The following SPIDR variants were observed in gnomAD, a reference collection of about 807,000 sequenced individuals.
The protein encoded by SPIDR is scaffold protein involved in DNA repair, also known as DNA repair-scaffolding protein.
In SPIDR, 93 loss-of-function variants were observed where a neutral mutation model predicts 104.6. The observed-to-expected ratio is 0.89, with a 90% CI of 0.75 to 1.06. The LOEUF is 1.06. Ranked by LOEUF, SPIDR falls within the 50% of genes least tolerant of loss-of-function variation. The pLI, the probability that SPIDR is intolerant of heterozygous loss-of-function variation, is 0.00. For missense variants in SPIDR, 1,154 were observed against 1,111.2 expected (o/e 1.04, Z -0.55); for synonymous variants, 431 against 416.9 (o/e 1.03, Z -0.41).
chr8:47,577,316 C>G (rs2059235906), intron 8 of SPIDR, among the ~76,000 whole-genome samples: 1 of 152,236 alleles, frequency 6.6e-6, no homozygotes, highest in South Asian at 2.1e-4. Flanking sequence ...CCAAGCAGTT[C>G]CTGCCAGGAC....
intron 5 of SPIDR, among the ~76,000 whole-genome samples, chr8:47,318,097 T>G (rs2045773729): frequency 6.6e-6 from 1 of 151,708 alleles, no homozygotes; most frequent in Non-Finnish European, 1.5e-5. Flanking sequence ...GGACGGAGAG[T>G]GACTTTGACG....
chr8:47,714,145 G>A (rs903251643), intron 16 of SPIDR, among the ~76,000 whole-genome samples: 48 of 152,138 alleles, frequency 3.2e-4, no homozygotes, highest in Non-Finnish European at 6.2e-4. Context: ...GGTGTCAGGA[G>A]TGTGTTCTGT....
At chr8:47,574,178 T>C (rs1305011447) in intron 8 of SPIDR, among the ~76,000 whole-genome samples, 1 of 152,234 alleles carries the variant, frequency 6.6e-6, no homozygotes, top group African/African-American at 2.4e-5. Flanking sequence ...ATGTTTGTAA[T>C]GTCAGTTTCA....
At chr8:47,382,206 CA>C (rs1563798324) in intron 5 of SPIDR, among the ~76,000 whole-genome samples, 1 of 152,064 alleles carries the variant, frequency 6.6e-6, no homozygotes, top group African/African-American at 2.4e-5. Flanking sequence ...TGTAGACTGT[CA>C]TACATGGACT....
chr8:47,547,886 C>G (rs150034398), intron 8 of SPIDR: 1 of 168,614 alleles, frequency 5.9e-6, no homozygotes, highest in Non-Finnish European at 1.4e-5. Flanking sequence ...TGATTTGGAG[C>G]TGCTACCCAC....
chr8:47,637,510 C>A (rs1258015074), intron 10 of SPIDR, among the ~76,000 whole-genome samples: 1 of 152,078 alleles, frequency 6.6e-6, no homozygotes, highest in Non-Finnish European at 1.5e-5. Flanking sequence ...GCAGAGGTTG[C>A]AATGAGCCGA....
intron 5 of SPIDR, among the ~76,000 whole-genome samples, chr8:47,341,768 G>C (rs1006678754): frequency 2.5e-4 from 38 of 152,282 alleles, no homozygotes; most frequent in Non-Finnish European, 1.8e-4. Context: ...GTGCATCCAG[G>C]AGCATTTTTC....
intron 8 of SPIDR, among the ~76,000 whole-genome samples, chr8:47,445,167 A>G (rs2070321879): frequency 1.3e-5 from 2 of 152,170 alleles, no homozygotes; most frequent in African/African-American, 2.4e-5. Flanking sequence ...CTTTTTACAA[A>G]TTGAAGGTTT....
At chr8:47,619,551 G>A (rs553304475) in intron 10 of SPIDR, among the ~76,000 whole-genome samples, 10 of 152,018 alleles carry the variant, frequency 6.6e-5, no homozygotes, top group Non-Finnish European at 2.9e-5. Flanking sequence ...GTCATGTAGG[G>A]TCACATAGGA....
chr8:47,686,376 CA>C (rs1323947535), intron 11 of SPIDR, among the ~76,000 whole-genome samples: 1 of 152,052 alleles, frequency 6.6e-6, no homozygotes, highest in East Asian at 1.9e-4. Context: ...GCTGAATTCT[CA>C]AAATTGGAAA....
intron 6 of SPIDR, among the ~76,000 whole-genome samples, chr8:47,402,501 T>C (rs1249341861): frequency 6.6e-6 from 1 of 151,728 alleles, no homozygotes; most frequent in Non-Finnish European, 1.5e-5. Flanking sequence ...ATAGACACAA[T>C]AAAAAATGAT....
At chr8:47,449,189 A>G (rs782702630) in intron 8 of SPIDR, among the ~76,000 whole-genome samples, 1 of 152,184 alleles carries the variant, frequency 6.6e-6, no homozygotes, top group African/African-American at 2.4e-5. Flanking sequence ...TTGATGTGGT[A>G]TTTAAGTAAA....
At chr8:47,394,364 A>G (rs1554656068) in intron 5 of SPIDR, among the ~76,000 whole-genome samples, 2 of 152,170 alleles carry the variant, frequency 1.3e-5, no homozygotes, top group African/African-American at 4.8e-5. Context: ...CACAAGCAGC[A>G]TGAATCCTCT....
chr8:47,503,905 G>T (rs965635317), intron 8 of SPIDR, among the ~76,000 whole-genome samples: 1 of 152,118 alleles, frequency 6.6e-6, no homozygotes, highest in Non-Finnish European at 1.5e-5. Flanking sequence ...GCTTAGTTTG[G>T]CTGGATATGA....
At chr8:47,707,432 CTTGT>C (rs758942320) in intron 14 of SPIDR, among the ~76,000 whole-genome samples, 2 of 151,986 alleles carry the variant, frequency 1.3e-5, no homozygotes, top group African/African-American at 4.8e-5. Flanking sequence ...AATTGGGTTG[CTTGT>C]TTGTTGGTTT....
intron 14 of SPIDR, among the ~76,000 whole-genome samples, chr8:47,704,818 G>A (rs1440780758): frequency 6.6e-6 from 1 of 152,204 alleles, no homozygotes; most frequent in African/African-American, 2.4e-5. Flanking sequence ...CGGCTCAGGA[G>A]ATAGGAGGAT....
chr8:47,627,771 C>T (rs1486793153), intron 10 of SPIDR, among the ~76,000 whole-genome samples: 2 of 152,156 alleles, frequency 1.3e-5, no homozygotes, highest in East Asian at 1.9e-4. Context: ...GAACCAGACC[C>T]GCCGGTTCAT....
intron 11 of SPIDR, among the ~76,000 whole-genome samples, chr8:47,681,309 C>T (rs914162097): frequency 4.6e-5 from 7 of 152,014 alleles, no homozygotes; most frequent in African/African-American, 1.7e-4. Flanking sequence ...CAATATTTAA[C>T]TATTGTAAAG....
chr8:47,579,712 C>T (rs2059511944), intron 8 of SPIDR, among the ~76,000 whole-genome samples: 1 of 152,134 alleles, frequency 6.6e-6, no homozygotes. Flanking sequence ...GTTTCCTCTA[C>T]CCCACCATCC....
Sources: gnomAD v4.1 joint callset for allele counts (sites outside exome capture counted in the v4.1 genomes callset) on GRCh38, gnomAD v4.1.1 for gene constraint, MANE v1.5 for transcripts, NCBI Gene and HGNC (gene_info 2026-07-23, HGNC 2026-07-21) for gene names.